The following MAGI3 variants were observed in gnomAD, a reference collection of about 807,000 sequenced individuals.
The protein encoded by MAGI3 is membrane-associated guanylate kinase, WW and PDZ domain-containing protein 3.
In MAGI3, 43 loss-of-function variants were observed where a neutral mutation model predicts 121.8. The ratio of observed to expected loss-of-function variants is 0.35; its 90% CI spans 0.28 to 0.46. The LOEUF (loss-of-function observed/expected upper bound fraction) is 0.46. Ranked by LOEUF, MAGI3 falls within the 20% of genes least tolerant of loss-of-function variation. The pLI is 1.00. For missense variants in MAGI3, 1,547 were observed against 1,797.3 expected (o/e 0.86, Z 2.52); for synonymous variants, 553 against 639.3 (o/e 0.86, Z 2.04).
At chr1:113,681,400 G>GAATATCTATCCTCTCCA in intron 20 of MAGI3, 64 bp downstream of exon 20, 4 of 1,533,808 alleles carry the variant, frequency 2.6e-6, no homozygotes, top group Non-Finnish European at 3.5e-6. Context: ...GAAGAAAAAG[G>GAATATCTATCCTCTCCA]AATATATATT....
At chr1:113,623,082 A>C (rs1484481886) in intron 9 of MAGI3, 88 bp downstream of exon 9, 1 of 816,782 alleles carries the variant, frequency 1.2e-6, no homozygotes, top group Non-Finnish European at 1.7e-6. Flanking sequence ...AAGAGAGAGA[A>C]ATAATTAAAT....
At chr1:113,637,069 T>A (rs1332940935) in intron 9 of MAGI3, among the ~76,000 whole-genome samples, 1 of 152,226 alleles carries the variant, frequency 6.6e-6, no homozygotes, top group African/African-American at 2.4e-5. Context: ...TTTTTTTGTT[T>A]TCCATTTACT....
At chr1:113,467,311 T>C (rs1164229140) in intron 1 of MAGI3, among the ~76,000 whole-genome samples, 1 of 152,156 alleles carries the variant, frequency 6.6e-6, no homozygotes, top group Non-Finnish European at 1.5e-5. Context: ...AAAAGATACT[T>C]GATATGATTT....
chr1:113,549,521 T>C lies in MAGI3; in HGVS notation c.323T>C (p.Val108Ala). 6.4e-7 allele frequency: 1 copy of C among 1,558,690 alleles called. No individual in the cohort carries two copies. The highest frequency in any genetic ancestry group is 8.7e-7 in the Non-Finnish European group (1 of 1,144,598). ...IRLKTVKPGK[V>A]INKDLRHYLS... The stretch of plus-strand genomic sequence containing the variant: ...TTTTTTGTCTTTGCTCCAGGCAAAG[T>C]CATTAATAAAGATTTGCGGCATTAC... Residue 108 changes from valine to alanine, a missense_variant, in exon 2 of 21, where the codon GTC becomes GCC. Val to Ala is a moderately conservative substitution (Grantham distance 64, BLOSUM62 0). Transcript: ENST00000307546.
chr1:113,487,750 G>GTTT (rs371019698), intron 1 of MAGI3, among the ~76,000 whole-genome samples: 1 of 143,974 alleles, frequency 6.9e-6, no homozygotes, highest in Non-Finnish European at 1.5e-5. Context: ...ATTGACATCT[G>GTTT]TTTTTTTTTT....
intron 1 of MAGI3, among the ~76,000 whole-genome samples, chr1:113,448,475 G>T (rs1051822637): frequency 6.6e-6 from 1 of 152,164 alleles, no homozygotes; most frequent in African/African-American, 2.4e-5. Flanking sequence ...TTAAATATTG[G>T]ATACGAAATG....
At chr1:113,427,605 C>T (rs1353631947) in intron 1 of MAGI3, among the ~76,000 whole-genome samples, 1 of 152,072 alleles carries the variant, frequency 6.6e-6, no homozygotes, top group Non-Finnish European at 1.5e-5. Context: ...TCCTGAAATC[C>T]CAAATTAGTT....
chr1:113,596,445 A>G (rs1442112014), intron 6 of MAGI3, among the ~76,000 whole-genome samples: 1 of 152,186 alleles, frequency 6.6e-6, no homozygotes, highest in Non-Finnish European at 1.5e-5. Context: ...GATTTCTTAA[A>G]CAGGCCACAA....
chr1:113,487,439 T>A (rs959791969), intron 1 of MAGI3, among the ~76,000 whole-genome samples: 11 of 151,604 alleles, frequency 7.3e-5, no homozygotes, highest in African/African-American at 2.7e-4. Context: ...AAGTTGCAAA[T>A]TTTTTTTTGT....
intron 9 of MAGI3, among the ~76,000 whole-genome samples, chr1:113,629,681 C>T (rs1557861289): frequency 1.3e-5 from 2 of 151,856 alleles, no homozygotes; most frequent in Non-Finnish European, 2.9e-5. Context: ...TAGGCAGAGA[C>T]TCTTGTTCTT....
rs551172604 is a variant in MAGI3, at chr1:113,674,072, T to C, written c.3189+607T>C. Among the ~76,000 whole-genome samples the C allele has an allele frequency of 3.5e-4, 54 of 152,330 alleles. 1 individual carries two copies. The South Asian group carries it at 0.011, about 31-fold the overall frequency. On this transcript the variant is annotated intron_variant, in intron 19 of 20. Transcript: ENST00000307546. Reference sequence around the variant, plus strand: ...AGATAGTTTTTCCTTCTTCTCTGGATGTTAATTAAAGAGGAATCTTATATA... The same window carrying C: ...AGATAGTTTTTCCTTCTTCTCTGGACGTTAATTAAAGAGGAATCTTATATA...
Position 113,391,866 on chromosome 1 carries a change from ACT to A in MAGI3, c.316+520_316+521del, listed in dbSNP as rs764973738. On this transcript the variant is annotated intron_variant, in intron 1 of 20. Coordinates refer to ENST00000307546, the MANE Select transcript of MAGI3 (RefSeq NM_001142782.2). The surrounding 1 kb of genome is among the most constrained non-coding windows in gnomAD (Gnocchi z 4.4). ...CAGACATCTCAGAGCTGACAGCCTA[ACT>A]CTGTCAGTCCAGGTGGTTCAGGTGT... is the stretch of plus-strand genomic sequence containing the variant. Among the ~76,000 whole-genome samples, 2 of 152,158 alleles carry A rather than the reference ACT, an allele frequency of 1.3e-5. No individual in the cohort carries two copies. Among genetic ancestry groups the A allele is most frequent in the Non-Finnish European group, 2.9e-5 (2 of 68,032 alleles).
intron 1 of MAGI3, among the ~76,000 whole-genome samples, chr1:113,514,288 G>C (rs1259098958): frequency 6.6e-6 from 1 of 151,900 alleles, no homozygotes; most frequent in Non-Finnish European, 1.5e-5. Flanking sequence ...TATACCCAAA[G>C]GACTATAAAT....
At chr1:113,666,680 T>A (rs1292418179) in intron 16 of MAGI3, among the ~76,000 whole-genome samples, 1 of 152,216 alleles carries the variant, frequency 6.6e-6, no homozygotes. Flanking sequence ...TCCCCATGAA[T>A]CACGAATGTT....
Position 113,672,757 on chromosome 1 carries a change from C to G in MAGI3, c.3045+16C>G. On this transcript the variant is annotated intron_variant, in intron 18 of 20. Transcript: ENST00000307546. ...GCACAATCAGGTAAACAAACATTTC[C>G]CCAGATGGGGAGTGATATTTTGAGT... The G allele has an allele frequency of 6.2e-7, 1 of 1,603,244 alleles. No individual in the cohort carries two copies. Among genetic ancestry groups the G allele is most frequent in the Middle Eastern group, 1.7e-4 (1 of 6,024 alleles).
At chr1:113,670,753 C>G (rs1356840874) in intron 16 of MAGI3, among the ~76,000 whole-genome samples, 2 of 152,146 alleles carry the variant, frequency 1.3e-5, no homozygotes. Flanking sequence ...GATACTATAA[C>G]CCAGTGAGAT....
At chr1:113,440,564 G>C (rs1218109517) in intron 1 of MAGI3, among the ~76,000 whole-genome samples, 2 of 152,158 alleles carry the variant, frequency 1.3e-5, no homozygotes, top group African/African-American at 2.4e-5. Context: ...TAGCTTAGCT[G>C]CTCTCCTAAC....
At chr1:113,456,117 A>ATTTTTTTTTTTT (rs35038942) in intron 1 of MAGI3, among the ~76,000 whole-genome samples, 4 of 113,248 alleles carry the variant, frequency 3.5e-5, no homozygotes, top group Admixed American at 2.0e-4. Context: ...CGCCCGGCTA[A>ATTTTTTTTTTTT]TTTTTTTTTT....
intron 1 of MAGI3, among the ~76,000 whole-genome samples, chr1:113,505,198 C>T (rs1051612812): frequency 2.6e-5 from 4 of 152,024 alleles, no homozygotes; most frequent in Non-Finnish European, 4.4e-5. Context: ...AGTCAAGACT[C>T]AAGATTTAAA....
Sources: gnomAD v4.1 joint callset for allele counts (sites outside exome capture counted in the v4.1 genomes callset) on GRCh38, gnomAD v4.1.1 for gene constraint, Gnocchi (gnomAD v3.1) non-coding constraint, MANE v1.5 for transcripts, NCBI Gene and HGNC (gene_info 2026-07-23, HGNC 2026-07-21) for gene names.